AKAP6: variants seen among roughly 807,000 people sequenced by gnomAD.
AKAP6 encodes the protein A-kinase anchoring protein 6.
AKAP6 carries 58 observed loss-of-function variants against 188.5 expected under a neutral mutation model. That is an observed-to-expected ratio of 0.31 (90% confidence interval 0.25 to 0.38). The LOEUF (loss-of-function observed/expected upper bound fraction) is 0.38. AKAP6 is among the 10% of genes least tolerant of loss of function. The pLI, the probability that AKAP6 is intolerant of heterozygous loss-of-function variation, is 1.00. For synonymous variants in AKAP6, 989 were observed against 998.6 expected, an observed-to-expected ratio of 0.99 and a Z score of 0.18; for missense variants, 2,710 against 2,740.0, an observed-to-expected ratio of 0.99 and a Z score of 0.24.
At chr14:32,789,327 C>G (rs1279241049) in intron 12 of AKAP6, among the ~76,000 whole-genome samples, 1 of 152,228 alleles carries the variant, frequency 6.6e-6, no homozygotes, top group Admixed American at 6.5e-5. Context: ...ACTGTCTGGA[C>G]GCGGAAGGGT....
At position 32,555,808 on chromosome 14, in the gene AKAP6, G is replaced by A. The variant is rs772085090; in HGVS notation, c.2346+8809G>A. Among the ~76,000 whole-genome samples, 55 of 152,218 alleles carry A rather than the reference G, an allele frequency of 3.6e-4. No individual in the cohort carries two copies. In the Middle Eastern group the frequency reaches 0.01, roughly 28 times the overall value. The stretch of plus-strand genomic sequence containing the variant: ...TTAGGGCTGAATAATATTCTATTAT[G>A]TGTTTATTCAACATTTTGTTTATCC... On this transcript the variant is annotated intron_variant, in intron 4 of 13. Coordinates refer to ENST00000280979, the MANE Select transcript of AKAP6 (RefSeq NM_004274.5).
intron 7 of AKAP6, among the ~76,000 whole-genome samples, chr14:32,645,853 A>T (rs1425954085): frequency 3.9e-5 from 6 of 152,074 alleles, no homozygotes; most frequent in African/African-American, 1.2e-4. Context: ...TCTTGTTTTG[A>T]CTCTAATTTT....
chr14:32,612,134 A>G (rs562490946), intron 7 of AKAP6, among the ~76,000 whole-genome samples: 2 of 152,296 alleles, frequency 1.3e-5, no homozygotes, highest in Non-Finnish European at 2.9e-5. Context: ...TGTGCCCTCT[A>G]AACTTCTCAT....
chr14:32,590,230 C>T lies in AKAP6; in HGVS notation c.2470-9180C>T, dbSNP rs114395394. 4.4e-3 allele frequency among the ~76,000 whole-genome samples: 667 copies of T among 152,030 alleles called. 3 individuals are homozygous for T. Among genetic ancestry groups the T allele is most frequent in the African/African-American group, 0.013 (538 of 41,484 alleles). ...TAGACAAGTTGAGATTCTCCCTGCCCACCCTCCCCTCAGCTGTTCTCTTGA... is the reference window on the plus strand; with the variant it reads ...TAGACAAGTTGAGATTCTCCCTGCCTACCCTCCCCTCAGCTGTTCTCTTGA... On this transcript the variant is annotated intron_variant, in intron 5 of 13. Transcript: ENST00000280979.
intron 2 of AKAP6, among the ~76,000 whole-genome samples, chr14:32,533,752 G>T (rs990316258): frequency 6.6e-6 from 1 of 152,170 alleles, no homozygotes; most frequent in African/African-American, 2.4e-5. Context: ...GGGCAATGTG[G>T]AATATCTGAT....
At chr14:32,688,960 G>C (rs1052272461) in intron 8 of AKAP6, among the ~76,000 whole-genome samples, 8 of 152,006 alleles carry the variant, frequency 5.3e-5, no homozygotes, top group Admixed American at 2.0e-4. Flanking sequence ...CCTAGAATAG[G>C]GTAATCCTTT....
intron 12 of AKAP6, among the ~76,000 whole-genome samples, chr14:32,785,097 A>G (rs926224889): frequency 5.3e-5 from 8 of 152,132 alleles, no homozygotes; most frequent in African/African-American, 1.9e-4. Flanking sequence ...ACTGGATTGA[A>G]TTAGAGAACA....
intron 11 of AKAP6, among the ~76,000 whole-genome samples, chr14:32,749,742 C>T (rs541565653): frequency 8.5e-5 from 13 of 152,194 alleles, no homozygotes; most frequent in Non-Finnish European, 1.5e-4. Context: ...ATATGTAAGA[C>T]ATACAATTCT....
At chr14:32,505,463 A>G (rs1880824690) in intron 2 of AKAP6, among the ~76,000 whole-genome samples, 1 of 152,166 alleles carries the variant, frequency 6.6e-6, no homozygotes, top group Non-Finnish European at 1.5e-5. Flanking sequence ...ATTTTAATAT[A>G]GTATTTTTGA....
At chr14:32,478,255 C>T (rs1879169668) in intron 2 of AKAP6, among the ~76,000 whole-genome samples, 1 of 152,152 alleles carries the variant, frequency 6.6e-6, no homozygotes, top group South Asian at 2.1e-4. Context: ...TACGTGTGCC[C>T]ACAAGCCAAG....
In AKAP6 at chr14:32,379,213, C is replaced by T. The variant is rs190396460; in HGVS notation, c.-35+49805C>T. Among the ~76,000 whole-genome samples, 72 of 152,246 alleles carry T rather than the reference C, an allele frequency of 4.7e-4. 4 individuals carry two copies. The East Asian group carries it at 0.012, about 26-fold the overall frequency. On this transcript the variant is annotated intron_variant, in intron 1 of 13. Coordinates refer to ENST00000280979, the MANE Select transcript of AKAP6 (RefSeq NM_004274.5). The stretch of plus-strand genomic sequence containing the variant: ...GAGATTACAGGTGTGAGCCACTGCG[C>T]CCAGCCATGAGTGTAAGATTATTTT...
intron 11 of AKAP6, among the ~76,000 whole-genome samples, chr14:32,752,590 A>G (rs2032179776): frequency 6.6e-6 from 1 of 152,182 alleles, no homozygotes; most frequent in Non-Finnish European, 1.5e-5. Flanking sequence ...AATCAAGCTA[A>G]TTAGCATATC....
chr14:32,804,717 G>A (rs1277290977), intron 12 of AKAP6, among the ~76,000 whole-genome samples: 2 of 152,102 alleles, frequency 1.3e-5, no homozygotes, highest in Non-Finnish European at 2.9e-5. Context: ...TGAGGGTACT[G>A]TAGGAGACCA....
intron 12 of AKAP6, among the ~76,000 whole-genome samples, chr14:32,807,636 T>A (rs985874257): frequency 3.9e-5 from 6 of 152,224 alleles, no homozygotes; most frequent in Admixed American, 3.9e-4. Flanking sequence ...AATGGTTTCT[T>A]CTTGTGTATC....
intron 2 of AKAP6, among the ~76,000 whole-genome samples, chr14:32,533,790 T>C (rs1882544617): frequency 6.6e-6 from 1 of 152,148 alleles, no homozygotes; most frequent in Non-Finnish European, 1.5e-5. Flanking sequence ...TGCTCTTTTG[T>C]GATGAGGCCA....
At chr14:32,390,784 AG>A (rs1566478968) in intron 1 of AKAP6, among the ~76,000 whole-genome samples, 1 of 152,084 alleles carries the variant, frequency 6.6e-6, no homozygotes, top group Admixed American at 6.6e-5. Context: ...TGTTGCCTTC[AG>A]GGGGTATGTG....
chr14:32,443,724 A>G (rs1192949745), intron 2 of AKAP6, among the ~76,000 whole-genome samples: 1 of 152,188 alleles, frequency 6.6e-6, no homozygotes, highest in Non-Finnish European at 1.5e-5. Flanking sequence ...CAGTTTTTCA[A>G]GTAACTTCAT....
intron 1 of AKAP6, among the ~76,000 whole-genome samples, chr14:32,349,298 A>G (rs1364690272): frequency 6.6e-6 from 1 of 151,816 alleles, no homozygotes; most frequent in African/African-American, 2.4e-5. Flanking sequence ...GTGCCTTTCA[A>G]AACATTTCAT....
At position 32,822,457 on chromosome 14, in the gene AKAP6, G is replaced by T. The variant is rs765635610; in HGVS notation, c.4644G>T (p.Lys1548Asn). Residue 1548 changes from lysine to asparagine, a missense_variant, in exon 13 of 14, where the codon AAG becomes AAT. By Grantham distance (94) the Lys-to-Asn change is moderately conservative (BLOSUM62 0). Coordinates refer to ENST00000280979, the MANE Select transcript of AKAP6 (RefSeq NM_004274.5). ...RISYKSGNIEKTFTGMQNAKQ... is the reference protein window; with the variant it reads ...RISYKSGNIENTFTGMQNAKQ... ...CATATAAAAGTGGCAATATAGAAAAGACATTCACTGGCATGCAGAATGCCA... is the reference window on the plus strand; with the variant it reads ...CATATAAAAGTGGCAATATAGAAAATACATTCACTGGCATGCAGAATGCCA... 2.2e-5 allele frequency: 36 copies of T among 1,613,864 alleles called. No individual in the cohort carries two copies. Among genetic ancestry groups the T allele is most frequent in the Non-Finnish European group, 2.9e-5 (34 of 1,179,956 alleles).
Sources: allele counts gnomAD v4.1 joint callset (sites outside exome capture counted in the v4.1 genomes callset), GRCh38; gene constraint gnomAD v4.1.1; transcripts MANE v1.5; gene names NCBI Gene and HGNC (gene_info 2026-07-23, HGNC 2026-07-21).